Variants in SUPT3H observed in about 807,000 individuals in gnomAD.
SUPT3H encodes transcription initiation protein SPT3 homolog.
In SUPT3H, 44 loss-of-function variants were observed where a neutral mutation model predicts 44.3. The observed-to-expected ratio is 0.99, with a 90% CI of 0.78 to 1.28. The LOEUF (loss-of-function observed/expected upper bound fraction) is 1.28, where lower values mean the gene tolerates loss of function less well. Ranked by LOEUF, SUPT3H falls within the 50% of genes most tolerant of loss-of-function variation. The pLI is 0.00. For synonymous variants in SUPT3H, 124 were observed against 125.6 expected (o/e 0.99, Z 0.09); for missense variants, 380 against 387.1 (o/e 0.98, Z 0.15).
intron 2 of SUPT3H, among the ~76,000 whole-genome samples, chr6:45,174,616 A>C (rs971043804): frequency 5.3e-5 from 8 of 152,210 alleles, no homozygotes; most frequent in Non-Finnish European, 1.2e-4. Context: ...ATGAGCTATA[A>C]AACAGCACCT....
chr6:45,209,555 C>A (rs1339407108), intron 2 of SUPT3H, among the ~76,000 whole-genome samples: 1 of 152,192 alleles, frequency 6.6e-6, no homozygotes, highest in Non-Finnish European at 1.5e-5. Flanking sequence ...TAAAGTGCTG[C>A]AATCTCATGA....
intron 10 of SUPT3H, among the ~76,000 whole-genome samples, chr6:44,902,144 T>C (rs950568223): frequency 2.6e-4 from 40 of 152,158 alleles, no homozygotes; most frequent in Admixed American, 2.6e-3. Flanking sequence ...GCTAACATCA[T>C]AATGACATGA....
At chr6:45,281,637 C>T (rs571913714) in intron 2 of SUPT3H, among the ~76,000 whole-genome samples, 1 of 152,190 alleles carries the variant, frequency 6.6e-6, no homozygotes, top group Non-Finnish European at 1.5e-5. Context: ...AGGAGGCCTG[C>T]CTGCCTCTGT....
intron 2 of SUPT3H, among the ~76,000 whole-genome samples, chr6:45,178,790 C>G (rs535605763): frequency 4.6e-5 from 7 of 152,244 alleles, no homozygotes; most frequent in Admixed American, 4.6e-4. Context: ...TACATGGAAA[C>G]TGAACAACCT....
At chr6:45,318,156 A>C (rs148012407) in intron 2 of SUPT3H, among the ~76,000 whole-genome samples, 1 of 152,168 alleles carries the variant, frequency 6.6e-6, no homozygotes, top group Non-Finnish European at 1.5e-5. Flanking sequence ...CCGTTGTCAC[A>C]ATGGTTAAGA....
chr6:45,224,021 T>A (rs914302593), intron 2 of SUPT3H, among the ~76,000 whole-genome samples: 2 of 148,632 alleles, frequency 1.3e-5, no homozygotes, highest in African/African-American at 4.9e-5. Context: ...ACATATTAAA[T>A]ATAAAATATA....
chr6:45,215,603 T>A (rs892005744), intron 2 of SUPT3H, among the ~76,000 whole-genome samples: 8 of 151,544 alleles, frequency 5.3e-5, no homozygotes, highest in Admixed American at 5.3e-4. Context: ...AGAAAAAAAA[T>A]CTACATTAGA....
At chr6:44,979,664 T>C (rs1778826645) in intron 6 of SUPT3H, among the ~76,000 whole-genome samples, 1 of 152,118 alleles carries the variant, frequency 6.6e-6, no homozygotes, top group Admixed American at 6.5e-5. Context: ...TAAAAGGTGA[T>C]GAGTTTGTGT....
At chr6:45,056,471 G>T (rs892541470) in intron 3 of SUPT3H, among the ~76,000 whole-genome samples, 1 of 152,054 alleles carries the variant, frequency 6.6e-6, no homozygotes, top group Non-Finnish European at 1.5e-5. Context: ...AAAATGTATA[G>T]GTACATCATG....
chr6:44,958,114 C>T (rs916374644), intron 7 of SUPT3H, among the ~76,000 whole-genome samples: 1 of 152,164 alleles, frequency 6.6e-6, no homozygotes, highest in Non-Finnish European at 1.5e-5. Context: ...TGGAAATTGA[C>T]TAACAAACAG....
At chr6:45,162,816 C>CTGTCTATA (rs1491449347) in intron 2 of SUPT3H, among the ~76,000 whole-genome samples, 3 of 152,104 alleles carry the variant, frequency 2.0e-5, no homozygotes, top group Admixed American at 2.0e-4. Flanking sequence ...GAATAATGAA[C>CTGTCTATA]TGTCTATAAT....
Position 45,014,801 on chromosome 6 carries a change from C to T in SUPT3H, c.364G>A (p.Asp122Asn), listed in dbSNP as rs1254402359. Reference sequence around the variant, plus strand: ...TAGTTTTGTGTTTTGTTTTGGTTACCTTCGAGAAGATCATCCTCATCGATG... The same window carrying T: ...TAGTTTTGTGTTTTGTTTTGGTTACTTTCGAGAAGATCATCCTCATCGATG... The part of the protein sequence containing the change: ...KGIDEDDLLE[D>N]KLSGSNNANK... The change falls in exon 5 of 11, where the codon GAC becomes AAC. Residue 122 changes from aspartate (D) to asparagine (N), a missense_variant and splice_region_variant. Asp to Asn is a conservative substitution (Grantham distance 23, BLOSUM62 1). Coordinates refer to ENST00000371459, the MANE Select transcript of SUPT3H (RefSeq NM_003599.4). 2.5e-6 allele frequency: 4 copies of T among 1,580,892 alleles called. No homozygotes were observed. Among genetic ancestry groups the T allele is most frequent in the Non-Finnish European group, 2.6e-6 (3 of 1,166,112 alleles).
chr6:45,300,359 T>C (rs1417388293), intron 2 of SUPT3H, among the ~76,000 whole-genome samples: 1 of 152,194 alleles, frequency 6.6e-6, no homozygotes, highest in Non-Finnish European at 1.5e-5. Context: ...GGAGAGTTAG[T>C]TCAATTTGAA....
intron 2 of SUPT3H, among the ~76,000 whole-genome samples, chr6:45,253,221 T>A (rs1039260588): frequency 1.3e-5 from 2 of 152,192 alleles, no homozygotes; most frequent in Non-Finnish European, 2.9e-5. Context: ...AGATTTCTTA[T>A]AACTCAGTAG....
At position 44,973,486 on chromosome 6, in the gene SUPT3H, C is replaced by G. The variant is rs541370837; in HGVS notation, c.505-11658G>C. Among the ~76,000 whole-genome samples the G allele has an allele frequency of 2.0e-5, 3 of 152,304 alleles. No homozygotes were observed. In the East Asian group the frequency reaches 5.8e-4, roughly 29 times the overall value. ...CAAACTTTCCTACATCTTCATGTCTCCTGAGCCCTCCAAGTCTCTAGGAAG... is the reference window on the plus strand; with the variant it reads ...CAAACTTTCCTACATCTTCATGTCTGCTGAGCCCTCCAAGTCTCTAGGAAG... On this transcript the variant is annotated intron_variant, in intron 6 of 10. Transcript: ENST00000371459.
Position 45,317,665 on chromosome 6 carries a change from T to C in SUPT3H, c.101+47536A>G, listed in dbSNP as rs1004834716. Among the ~76,000 whole-genome samples the C allele has an allele frequency of 3.9e-5, 6 of 152,058 alleles. No individual in the cohort carries two copies. The East Asian group carries it at 1.2e-3, about 29-fold the overall frequency. On this transcript the variant is annotated intron_variant, in intron 2 of 10. Transcript: ENST00000371459. ...GCAGAAGAATAAAATTAGATCCTTA[T>C]CTAACAACATACACAAAAATCAACT...
At chr6:44,944,784 AAGAAAAG>A (rs1773063632) in intron 9 of SUPT3H, among the ~76,000 whole-genome samples, 1 of 136,212 alleles carries the variant, frequency 7.3e-6, no homozygotes, top group Non-Finnish European at 1.7e-5. Context: ...AAAAAAAAAA[AAGAAAAG>A]AAAAAAAGAT....
At chr6:45,288,433 T>C (rs1246421211) in intron 2 of SUPT3H, among the ~76,000 whole-genome samples, 2 of 151,650 alleles carry the variant, frequency 1.3e-5, no homozygotes, top group Non-Finnish European at 2.9e-5. Context: ...GCAATGCTGA[T>C]TTAGAATATA....
At position 44,995,485 on chromosome 6, in the gene SUPT3H, T is replaced by C. The variant is rs539189017; in HGVS notation, c.504+8168A>G. Among the ~76,000 whole-genome samples, 10 of 152,180 alleles carry C rather than the reference T, an allele frequency of 6.6e-5. No individual in the cohort carries two copies. In the South Asian group the frequency reaches 1.7e-3, roughly 25 times the overall value. The stretch of plus-strand genomic sequence containing the variant: ...AAATCACAACTAAACCACCATACTT[T>C]CTTATGTCTAAAATTTAACTGACAC... On this transcript the variant is annotated intron_variant, in intron 6 of 10. Transcript: ENST00000371459.
Sources: gnomAD v4.1 joint callset for allele counts (sites outside exome capture counted in the v4.1 genomes callset) on GRCh38, gnomAD v4.1.1 for gene constraint, MANE v1.5 for transcripts, NCBI Gene and HGNC (gene_info 2026-07-23, HGNC 2026-07-21) for gene names.